DENND5A: variants seen among roughly 807,000 people sequenced by gnomAD.
DENND5A encodes DENN domain containing 5A.
A neutral mutation model predicts 140.3 loss-of-function variants in DENND5A; 64 were observed. The ratio of observed to expected loss-of-function variants is 0.46; its 90% CI spans 0.37 to 0.56. DENND5A has a LOEUF of 0.56. DENND5A is among the 20% of genes least tolerant of loss of function. DENND5A has a pLI of 0.00. For missense variants in DENND5A, 1,292 were observed against 1,593.8 expected (o/e 0.81, Z 3.22); for synonymous variants, 605 against 607.7 (o/e 1.00, Z 0.07).
At position 9,193,601 on chromosome 11, in the gene DENND5A, T is replaced by C. The variant is rs1849215571; in HGVS notation, c.1030A>G (p.Ile344Val). Residue 344 changes from isoleucine (I) to valine (V), a missense_variant, in exon 5 of 23, where the codon ATT becomes GTT. Transcript: ENST00000328194. ...PFQWQHVYVP[I>V]LPASLLHFLD... ...AAATGCAGGAGAGAAGCTGGGAGAA[T>C]AGGGACATAGACATGCTGCCACTGG... 1 of 1,613,882 alleles carries C rather than the reference T, an allele frequency of 6.2e-7. No homozygotes were observed. The highest frequency in any genetic ancestry group is 8.5e-7 in the Non-Finnish European group (1 of 1,179,968).
chr11:9,222,258 T>C (rs1450341193), intron 1 of DENND5A, among the ~76,000 whole-genome samples: 2 of 151,690 alleles, frequency 1.3e-5, no homozygotes, highest in Non-Finnish European at 2.9e-5. Context: ...TCCAAACATA[T>C]CATTTTATTT....
chr11:9,234,483 G>C (rs1277059254), intron 1 of DENND5A, among the ~76,000 whole-genome samples: 1 of 152,074 alleles, frequency 6.6e-6, no homozygotes, highest in Non-Finnish European at 1.5e-5. Flanking sequence ...TATTAATGAG[G>C]ATATGGAGAA....
intron 1 of DENND5A, among the ~76,000 whole-genome samples, chr11:9,227,487 C>G (rs1001422780): frequency 6.6e-6 from 1 of 152,174 alleles, no homozygotes; most frequent in Non-Finnish European, 1.5e-5. Flanking sequence ...GGAGTCCCCT[C>G]AAATCTGAAA....
chr11:9,238,864 T>C lies in DENND5A; in HGVS notation c.109+26097A>G, dbSNP rs1371683826. ...TTTTTTTTTGACACCTAATTTTCAC[T>C]CTTGTTGCCCAGGATGGAGTGCAGT... On this transcript the variant is annotated intron_variant, in intron 1 of 22. Coordinates refer to ENST00000328194, the MANE Select transcript of DENND5A (RefSeq NM_015213.4). Among the ~76,000 whole-genome samples, 5 of 149,604 alleles carry C rather than the reference T, an allele frequency of 3.3e-5. No individual in the cohort carries two copies. The East Asian group carries it at 9.8e-4, about 29-fold the overall frequency.
chr11:9,142,585 C>T (rs1331394873), intron 21 of DENND5A, 137 bp downstream of exon 21: 3 of 1,151,936 alleles, frequency 2.6e-6, no homozygotes, highest in Non-Finnish European at 3.7e-6. Context: ...TCAAGAAAAA[C>T]CAGAGCAAAC....
intron 11 of DENND5A, among the ~76,000 whole-genome samples, chr11:9,165,264 T>A (rs1356494377): frequency 6.6e-6 from 1 of 152,154 alleles, no homozygotes; most frequent in Non-Finnish European, 1.5e-5. Flanking sequence ...CCTCCCAAAG[T>A]GCTGGGATTA....
Position 9,142,810 on chromosome 11 carries a change from A to G in DENND5A, c.3423T>C (p.Cys1141=), listed in dbSNP as rs1554909329. The G allele has an allele frequency of 1.2e-6, 2 of 1,614,104 alleles. No individual in the cohort carries two copies. The highest frequency in any genetic ancestry group is 3.3e-5 in the Admixed American group (2 of 60,006). ...CCTGTTCCAAGGCCGAGACAAGGCC[A>G]CACTCTCCACAGAGCAACAGCGTCA... The part of the protein sequence containing the change: ...GSLTLLLCGE[C]GLVSALEQAF... The change falls in exon 21 of 23, where the codon TGT becomes TGC. Residue 1141 remains cysteine, a synonymous_variant. Transcript: ENST00000328194.
intron 8 of DENND5A, chr11:9,171,026 C>T: frequency 1.9e-6 from 1 of 521,462 alleles, no homozygotes; most frequent in African/African-American, 1.9e-5. Context: ...AATGAGGTAA[C>T]CCCTAGAACT....
rs146418286 is a variant in DENND5A, at chr11:9,185,738, G to A, written c.1138-4654C>T. 2.7e-3 allele frequency among the ~76,000 whole-genome samples: 406 copies of A among 152,144 alleles called. 1 individual carries two copies. The highest frequency in any genetic ancestry group is 8.9e-3 in the African/African-American group (368 of 41,512). ...TGTCTCTGTACGTGTCTGTGTCTACGTGTGTGTTGTTCCTGTATGTGTGGT... is the reference window on the plus strand; with the variant it reads ...TGTCTCTGTACGTGTCTGTGTCTACATGTGTGTTGTTCCTGTATGTGTGGT... On this transcript the variant is annotated intron_variant, in intron 5 of 22. Coordinates refer to ENST00000328194, the MANE Select transcript of DENND5A (RefSeq NM_015213.4).
intron 1 of DENND5A, among the ~76,000 whole-genome samples, chr11:9,264,496 G>T (rs1427091473): frequency 2.0e-5 from 3 of 152,070 alleles, no homozygotes; most frequent in Non-Finnish European, 2.9e-5. Context: ...GCCCAGGGCT[G>T]GGGTATAACG....
chr11:9,225,473 G>T (rs1400349498), intron 1 of DENND5A, among the ~76,000 whole-genome samples: 1 of 152,088 alleles, frequency 6.6e-6, no homozygotes, highest in Non-Finnish European at 1.5e-5. Context: ...AATAATAATA[G>T]TTTTGGGGCG....
chr11:9,250,041 A>AT lies in DENND5A; in HGVS notation c.109+14919dup, dbSNP rs574395214. ...CTGTGTTCATGCCTTTAAAAATAAA[A>AT]TTTAAAAAAAAAAAAAAAATCCTTA... On this transcript the variant is annotated intron_variant, in intron 1 of 22. Coordinates refer to ENST00000328194, the MANE Select transcript of DENND5A (RefSeq NM_015213.4). 5.0e-4 allele frequency among the ~76,000 whole-genome samples: 54 copies of AT among 107,464 alleles called. 1 individual carries two copies. The highest frequency in any genetic ancestry group is 8.6e-3 in the Middle Eastern group (2 of 232). The allele number at this position is 107,464 out of a possible 152,430, so 70.5% of individuals were successfully genotyped here. A position where few individuals can be genotyped will look rare whatever the true frequency, so the allele number is the denominator to read the frequency against.
intron 4 of DENND5A, among the ~76,000 whole-genome samples, chr11:9,200,464 CT>C (rs1849485578): frequency 6.6e-6 from 1 of 152,176 alleles, no homozygotes; most frequent in African/African-American, 2.4e-5. Context: ...CCAGCAGATG[CT>C]TTTTGTTTGG....
chr11:9,158,093 G>C (rs1415422415), intron 12 of DENND5A, among the ~76,000 whole-genome samples: 1 of 152,212 alleles, frequency 6.6e-6, no homozygotes, highest in African/African-American at 2.4e-5. Context: ...ATAAGAGATT[G>C]ATTAAAGTAT....
At chr11:9,198,633 G>A (rs1259483174) in intron 4 of DENND5A, among the ~76,000 whole-genome samples, 2 of 151,738 alleles carry the variant, frequency 1.3e-5, no homozygotes, top group Admixed American at 6.6e-5. Context: ...AAAAAGAAAA[G>A]TAAAGTAACT....
At chr11:9,162,200 A>C (rs995121533) in intron 11 of DENND5A, among the ~76,000 whole-genome samples, 46 of 149,312 alleles carry the variant, frequency 3.1e-4, no homozygotes, top group African/African-American at 1.1e-3. Context: ...ATATGCTATT[A>C]CATCATTATG....
At chr11:9,217,474 A>C (rs1268219984) in intron 1 of DENND5A, among the ~76,000 whole-genome samples, 2 of 152,080 alleles carry the variant, frequency 1.3e-5, no homozygotes, top group African/African-American at 4.8e-5. Flanking sequence ...AGATCTCACC[A>C]CTGCACTCCA....
Position 9,178,846 on chromosome 11 carries a change from G to A in DENND5A, c.1671+12C>T, listed in dbSNP as rs1450214396. 6.2e-7 allele frequency: 1 copy of A among 1,608,598 alleles called. No individual in the cohort carries two copies. Among genetic ancestry groups the A allele is most frequent in the Non-Finnish European group, 8.5e-7 (1 of 1,175,260 alleles). Reference sequence around the variant, plus strand: ...TCATTCCTCACCACCTCCCAAGCAGGATTACACTCACTTTATCAAAGTTTT... The same window carrying A: ...TCATTCCTCACCACCTCCCAAGCAGAATTACACTCACTTTATCAAAGTTTT... On this transcript the variant is annotated intron_variant, in intron 7 of 22. Transcript: ENST00000328194.
intron 1 of DENND5A, among the ~76,000 whole-genome samples, chr11:9,233,406 A>C (rs568923900): frequency 1.1e-3 from 172 of 151,844 alleles, no homozygotes; most frequent in African/African-American, 3.9e-3. Context: ...CTCAAAAAAA[A>C]AAAAAAAAAA....
Sources: gnomAD v4.1 joint callset for allele counts (sites outside exome capture counted in the v4.1 genomes callset) on GRCh38, gnomAD v4.1.1 for gene constraint, MANE v1.5 for transcripts, NCBI Gene and HGNC (gene_info 2026-07-23, HGNC 2026-07-21) for gene names.